PTPRT: variants seen among roughly 807,000 people sequenced by gnomAD.
PTPRT encodes protein tyrosine phosphatase receptor type T, also known as receptor-type tyrosine-protein phosphatase T.
In PTPRT, 56 loss-of-function variants were observed where a neutral mutation model predicts 176.8. The ratio of observed to expected loss-of-function variants is 0.32; its 90% CI spans 0.26 to 0.40. The LOEUF is 0.40. Among genes scored for constraint, PTPRT ranks in the 10% least tolerant of loss-of-function variants. The pLI is 1.00. For missense variants in PTPRT, 1,540 were observed against 1,908.2 expected (o/e 0.81, Z 3.60); for synonymous variants, 783 against 739.0 (o/e 1.06, Z -0.96).
rs2146075676 is a variant in PTPRT, at chr20:42,078,892, G to A, written c.*1987C>T. 1 of 175,526 alleles carries A rather than the reference G, an allele frequency of 5.7e-6. No homozygotes were observed. The highest frequency in any genetic ancestry group is 2.0e-4 in the South Asian group (1 of 5,006). 10.9% of individuals were successfully genotyped at this position (175,526 alleles called of 1,614,324 possible). A position where few individuals can be genotyped will look rare whatever the true frequency, so the allele number is the denominator to read the frequency against. Reference sequence around the variant, plus strand: ...GGCCGAAGAGACTTTCTTGCTCCTAGGCTCATGGAACACTCATCCACTCCA... The same window carrying A: ...GGCCGAAGAGACTTTCTTGCTCCTAAGCTCATGGAACACTCATCCACTCCA... On this transcript the variant is annotated 3_prime_UTR_variant, in exon 31 of 31. Coordinates refer to ENST00000373187, the MANE Select transcript of PTPRT (RefSeq NM_007050.6).
chr20:42,481,252 T>C (rs2071379479), intron 7 of PTPRT, among the ~76,000 whole-genome samples: 1 of 152,218 alleles, frequency 6.6e-6, no homozygotes, highest in Non-Finnish European at 1.5e-5. Context: ...GTAAAATAAA[T>C]GACTATGATT....
rs180686725 is a variant in PTPRT at position 42,997,103 on chromosome 20, G to A, written c.89-111171C>T. ...CCATTTTCTCATCTGTGAAAGGAGC[G>A]GGAAAAAAATCTATCTCAGAAGAGT... On this transcript the variant is annotated intron_variant, in intron 1 of 30. Coordinates refer to ENST00000373187, the MANE Select transcript of PTPRT (RefSeq NM_007050.6). 5.3e-3 allele frequency among the ~76,000 whole-genome samples: 808 copies of A among 151,980 alleles called. 11 individuals are homozygous for A. The highest frequency in any genetic ancestry group is 5.1e-3 in the Non-Finnish European group (346 of 67,942).
intron 6 of PTPRT, among the ~76,000 whole-genome samples, chr20:42,686,490 T>C (rs933073344): frequency 1.2e-5 from 1 of 83,060 alleles, no homozygotes; most frequent in African/African-American, 8.4e-5. Flanking sequence ...TTTTTTTTTT[T>C]TTTTTTTTTT....
chr20:42,098,278 C>G (rs1985488049), intron 27 of PTPRT, 143 bp downstream of exon 27: 1 of 1,165,470 alleles, frequency 8.6e-7, no homozygotes, highest in Admixed American at 2.6e-5. Context: ...AATGGCTTGT[C>G]TGATGCTCGT....
Position 42,279,530 on chromosome 20 carries a change from AT to A in PTPRT, c.2176+2958del, listed in dbSNP as rs568334516. 2.5e-3 allele frequency among the ~76,000 whole-genome samples: 385 copies of A among 152,230 alleles called. 2 individuals carry two copies. The highest frequency in any genetic ancestry group is 8.9e-3 in the African/African-American group (368 of 41,554). On this transcript the variant is annotated intron_variant, in intron 13 of 30. Coordinates refer to ENST00000373187, the MANE Select transcript of PTPRT (RefSeq NM_007050.6). ...GACCTCCAGAACTGTGAGACAATAAATTTGTGTTATTTAAGCCAACCAATTT... is the reference window on the plus strand; with the variant it reads ...GACCTCCAGAACTGTGAGACAATAAATTGTGTTATTTAAGCCAACCAATTT...
At chr20:42,558,661 C>T (rs2072901291) in intron 7 of PTPRT, among the ~76,000 whole-genome samples, 2 of 151,946 alleles carry the variant, frequency 1.3e-5, no homozygotes, top group African/African-American at 4.8e-5. Context: ...TATCTCAAAC[C>T]CAACTCTACT....
intron 1 of PTPRT, among the ~76,000 whole-genome samples, chr20:43,040,594 G>C (rs1986564774): frequency 6.6e-6 from 1 of 152,180 alleles, no homozygotes; most frequent in Non-Finnish European, 1.5e-5. Context: ...GAATGACAGA[G>C]CTCCCTCGCT....
At chr20:43,131,909 AC>A (rs1361423928) in intron 1 of PTPRT, among the ~76,000 whole-genome samples, 1 of 152,168 alleles carries the variant, frequency 6.6e-6, no homozygotes, top group Non-Finnish European at 1.5e-5. Context: ...CTTAATAGAT[AC>A]CAAAAAAGCA....
At chr20:43,027,843 T>C (rs1985979156) in intron 1 of PTPRT, among the ~76,000 whole-genome samples, 1 of 152,180 alleles carries the variant, frequency 6.6e-6, no homozygotes, top group Non-Finnish European at 1.5e-5. Flanking sequence ...TGCCAATTTC[T>C]GGTCAAGAGA....
At position 42,472,393 on chromosome 20, in the gene PTPRT, G is replaced by C. The variant is rs752292276; in HGVS notation, c.1323C>G (p.Ile441Met). The change falls in exon 8 of 31, where the codon ATC becomes ATG. Residue 441 changes from isoleucine (I) to methionine (M), a missense_variant. Around this residue, in one of 11 missense-constraint regions of PTPRT, gnomAD observed 79 missense variants for 80.0 expected, o/e 0.99. Coordinates refer to ENST00000373187, the MANE Select transcript of PTPRT (RefSeq NM_007050.6). ...GCAGGGTGTAGTGGGAGGAGGTCTG[G>C]ATGACCTCCTCGGCCTCGTACTGCT... ...NQQQYEAEEV[I>M]QTSSHYTLRG... 11 of 1,614,022 alleles carry C rather than the reference G, an allele frequency of 6.8e-6. No homozygotes were observed. The East Asian group carries it at 2.5e-4, about 36-fold the overall frequency.
At chr20:42,910,924 G>T (rs2079535640) in intron 1 of PTPRT, among the ~76,000 whole-genome samples, 1 of 152,118 alleles carries the variant, frequency 6.6e-6, no homozygotes, top group African/African-American at 2.4e-5. Context: ...AGGAAACAAG[G>T]CACCTTCTTC....
chr20:42,151,338 T>TC (rs1431761032), intron 17 of PTPRT, among the ~76,000 whole-genome samples: 1 of 152,080 alleles, frequency 6.6e-6, no homozygotes, highest in African/African-American at 2.4e-5. Flanking sequence ...CCCTGGGGTG[T>TC]CATATTCCCG....
intron 29 of PTPRT, 82 bp downstream of exon 29, chr20:42,084,600 G>C: frequency 8.1e-7 from 1 of 1,236,706 alleles, no homozygotes. Flanking sequence ...GCCTAGGACT[G>C]GGGTATGTGG....
At chr20:42,899,358 G>A (rs145052621) in intron 1 of PTPRT, among the ~76,000 whole-genome samples, 1 of 152,334 alleles carries the variant, frequency 6.6e-6, no homozygotes, top group Non-Finnish European at 1.5e-5. Flanking sequence ...CTGTGTCAGC[G>A]TCTGAAGCCT....
chr20:42,348,292 A>G (rs998620391), intron 11 of PTPRT, among the ~76,000 whole-genome samples: 1 of 152,158 alleles, frequency 6.6e-6, no homozygotes. Flanking sequence ...CCCACCCTCA[A>G]TGCTCTAGAG....
intron 1 of PTPRT, among the ~76,000 whole-genome samples, chr20:43,016,552 C>T (rs1040676756): frequency 1.3e-5 from 1 of 76,232 alleles, no homozygotes; most frequent in Non-Finnish European, 2.4e-5. Context: ...TCTAAGGCCA[C>T]TTTTTTTTTT....
At chr20:42,917,635 A>G (rs1413770967) in intron 1 of PTPRT, among the ~76,000 whole-genome samples, 1 of 152,198 alleles carries the variant, frequency 6.6e-6, no homozygotes, top group Non-Finnish European at 1.5e-5. Context: ...TTGAACAACC[A>G]GTGAAATAGC....
rs141928017 is a variant in PTPRT at position 42,663,571 on chromosome 20, A to ATT, written c.1153+14294_1153+14295insAA. Among the ~76,000 whole-genome samples the ATT allele has an allele frequency of 4.4e-3, 676 of 152,242 alleles. 6 individuals carry two copies. Among genetic ancestry groups the ATT allele is most frequent in the African/African-American group, 0.016 (660 of 41,556 alleles). On this transcript the variant is annotated intron_variant, in intron 7 of 30. Transcript: ENST00000373187. ...CAGGGCAGGCAGTGAACAGGGGCTC[A>ATT]TGTGCTCTTTTTGAAATCTCCATGT... is the stretch of plus-strand genomic sequence containing the variant.
At chr20:42,681,430 G>C (rs1017930604) in intron 6 of PTPRT, among the ~76,000 whole-genome samples, 2 of 152,200 alleles carry the variant, frequency 1.3e-5, no homozygotes, top group African/African-American at 4.8e-5. Flanking sequence ...ATCTGGTCTA[G>C]AGGTTAGGGA....
Sources: allele counts gnomAD v4.1 joint callset (sites outside exome capture counted in the v4.1 genomes callset), GRCh38; gene constraint gnomAD v4.1.1; regional missense constraint gnomAD v4.1.1; transcripts MANE v1.5; gene names NCBI Gene and HGNC (gene_info 2026-07-23, HGNC 2026-07-21).